Variants in GNG7 observed in about 807,000 individuals in gnomAD.
The protein encoded by GNG7 is G protein subunit gamma 7, also known as guanine nucleotide-binding protein G(I)/G(S)/G(O) subunit gamma-7.
Under a neutral mutation model 4.0 loss-of-function variants are expected in GNG7, and 1 was observed. The observed-to-expected ratio is 0.25, with a 90% CI of 0.09 to 1.18. GNG7 has a LOEUF of 1.18. Ranked by LOEUF, GNG7 falls within the 50% of genes most tolerant of loss-of-function variation. The pLI, the probability that GNG7 is intolerant of heterozygous loss-of-function variation, is 0.50. For missense variants in GNG7, 86 were observed against 91.9 expected, an observed-to-expected ratio of 0.94 and a Z score of 0.26; for synonymous variants, 34 against 36.9, an observed-to-expected ratio of 0.92 and a Z score of 0.29.
At chr19:2,522,664 A>G (rs1599371255) in intron 3 of GNG7, among the ~76,000 whole-genome samples, 2 of 141,204 alleles carry the variant, frequency 1.4e-5, no homozygotes, top group African/African-American at 5.2e-5. Context: ...AGGCAGGAGA[A>G]TGGGGTGAAC....
intron 2 of GNG7, among the ~76,000 whole-genome samples, chr19:2,636,328 G>A (rs144560596): frequency 1.0e-3 from 158 of 152,212 alleles, no homozygotes; most frequent in African/African-American, 3.7e-3. Flanking sequence ...TGCCCGCCAG[G>A]ACAATGACCC....
chr19:2,550,084 G>A (rs1599384963), intron 3 of GNG7, among the ~76,000 whole-genome samples: 1 of 152,208 alleles, frequency 6.6e-6, no homozygotes, highest in African/African-American at 2.4e-5. Context: ...TTGGGTCTGG[G>A]GTGCCCTGAT....
intron 2 of GNG7, among the ~76,000 whole-genome samples, chr19:2,589,296 C>T (rs1225229927): frequency 2.0e-5 from 3 of 151,322 alleles, no homozygotes; most frequent in Admixed American, 6.6e-5. Flanking sequence ...GATATCAGCT[C>T]ACTGTAACCT....
intron 2 of GNG7, among the ~76,000 whole-genome samples, chr19:2,580,209 G>A (rs1200891180): frequency 1.3e-5 from 2 of 151,946 alleles, no homozygotes; most frequent in African/African-American, 4.8e-5. Flanking sequence ...GTCCCGGCCT[G>A]GCCTGCTCAC....
intron 2 of GNG7, among the ~76,000 whole-genome samples, chr19:2,640,122 GAGGA>G (rs1982465785): frequency 1.1e-5 from 1 of 94,102 alleles, no homozygotes; most frequent in Non-Finnish European, 2.2e-5. Flanking sequence ...GGAGGGAGGG[GAGGA>G]GGGAGGGAGG....
intron 1 of GNG7, among the ~76,000 whole-genome samples, chr19:2,683,248 A>T (rs1983787597): frequency 1.3e-5 from 2 of 151,540 alleles, no homozygotes; most frequent in Admixed American, 1.3e-4. Flanking sequence ...CAAAAAAAAA[A>T]AATAGAGATG....
chr19:2,605,726 ATGG>A (rs1568260522), intron 2 of GNG7, among the ~76,000 whole-genome samples: 1 of 149,588 alleles, frequency 6.7e-6, no homozygotes, highest in Non-Finnish European at 1.5e-5. Context: ...GTTGGCCAGC[ATGG>A]TCTCGATCTC....
At position 2,553,886 on chromosome 19, in the gene GNG7, ATTC is replaced by A. The variant is rs1184849998; in HGVS notation, c.-38+1260_-38+1262del. Among the ~76,000 whole-genome samples the A allele has an allele frequency of 3.8e-3, 567 of 147,462 alleles. 3 individuals carry two copies. Among genetic ancestry groups the A allele is most frequent in the African/African-American group, 6.1e-3 (242 of 39,672 alleles). Reference sequence around the variant, plus strand: ...TATGTAACATTGCATACATGTACATATTCTATGTAATATTACATACATGTGCAT... The same window carrying A: ...TATGTAACATTGCATACATGTACATATATGTAATATTACATACATGTGCAT... On this transcript the variant is annotated intron_variant, in intron 3 of 4. Coordinates refer to ENST00000382159, the MANE Select transcript of GNG7 (RefSeq NM_052847.3).
At chr19:2,564,713 G>A (rs901305563) in intron 2 of GNG7, among the ~76,000 whole-genome samples, 4 of 152,172 alleles carry the variant, frequency 2.6e-5, no homozygotes, top group Non-Finnish European at 5.9e-5. Context: ...GGGAGAGGCC[G>A]GAAGGACCCT....
At chr19:2,558,422 T>C (rs1979634542) in intron 2 of GNG7, among the ~76,000 whole-genome samples, 1 of 151,566 alleles carries the variant, frequency 6.6e-6, no homozygotes. Flanking sequence ...CCTGTAGAGA[T>C]GGGGTTTTGC....
rs570775092 is a variant in GNG7, at chr19:2,626,732, G to C, written c.-78+19492C>G. 2.0e-5 allele frequency among the ~76,000 whole-genome samples: 3 copies of C among 152,188 alleles called. No individual in the cohort carries two copies. The highest frequency in any genetic ancestry group is 4.4e-5 in the Non-Finnish European group (3 of 68,028). ...TCTGTCCCCTCAGGGGACACTGGGC[G>C]GTGTCGGGGGACATCTGTAATTGTC... On this transcript the variant is annotated intron_variant, in intron 2 of 4. Coordinates refer to ENST00000382159, the MANE Select transcript of GNG7 (RefSeq NM_052847.3). The surrounding 1 kb of genome is among the most constrained non-coding windows in gnomAD (Gnocchi z 5.0).
intron 2 of GNG7, among the ~76,000 whole-genome samples, chr19:2,577,844 CTTTTT>C (rs112517007): frequency 7.3e-6 from 1 of 137,328 alleles, no homozygotes. Context: ...TGTTATTTTC[CTTTTT>C]TTTTTTTTTT....
At chr19:2,655,834 G>A (rs1309824633) in intron 1 of GNG7, among the ~76,000 whole-genome samples, 10 of 103,026 alleles carry the variant, frequency 9.7e-5, no homozygotes, top group Admixed American at 6.2e-4. Flanking sequence ...GAGAGGCTCC[G>A]TCTGAAAAAA....
rs146581476 is a variant in GNG7 at position 2,601,680 on chromosome 19, G to A, written c.-78+44544C>T. On this transcript the variant is annotated intron_variant, in intron 2 of 4. Coordinates refer to ENST00000382159, the MANE Select transcript of GNG7 (RefSeq NM_052847.3). ...GTAATCCCAAGCACGTTGGGAGGCC[G>A]GGGCAGGAGGATCCCTTGAGCCCAG... 6.6e-5 allele frequency among the ~76,000 whole-genome samples: 10 copies of A among 151,194 alleles called. No individual in the cohort carries two copies. The East Asian group carries it at 1.4e-3, about 21-fold the overall frequency.
intron 2 of GNG7, among the ~76,000 whole-genome samples, chr19:2,597,927 G>A (rs1384757078): frequency 5.3e-5 from 8 of 151,032 alleles, no homozygotes; most frequent in South Asian, 2.1e-4. Flanking sequence ...ATTAAATTTA[G>A]AAAGGTAAAA....
At chr19:2,652,906 G>A (rs1236012300) in intron 1 of GNG7, among the ~76,000 whole-genome samples, 1 of 151,774 alleles carries the variant, frequency 6.6e-6, no homozygotes, top group South Asian at 2.1e-4. Flanking sequence ...AACATAGCAA[G>A]ACCCTAGGCC....
At chr19:2,597,922 A>C (rs1209662033) in intron 2 of GNG7, among the ~76,000 whole-genome samples, 2 of 151,558 alleles carry the variant, frequency 1.3e-5, no homozygotes, top group Non-Finnish European at 2.9e-5. Context: ...AAGAAATTAA[A>C]TTTAGAAAGG....
In GNG7 at chr19:2,580,433, G is replaced by C. The variant is rs546109563; in HGVS notation, c.-77-25245C>G. ...GGCCTCCCAAGTAGCTGGGACTACAGGTGCACTCCACCATGTCCGGCTAAT... is the reference window on the plus strand; with the variant it reads ...GGCCTCCCAAGTAGCTGGGACTACACGTGCACTCCACCATGTCCGGCTAAT... On this transcript the variant is annotated intron_variant, in intron 2 of 4. Coordinates refer to ENST00000382159, the MANE Select transcript of GNG7 (RefSeq NM_052847.3). Among the ~76,000 whole-genome samples, 6 of 151,896 alleles carry C rather than the reference G, an allele frequency of 4.0e-5. No individual in the cohort carries two copies. The East Asian group carries it at 1.2e-3, about 30-fold the overall frequency.
At position 2,633,919 on chromosome 19, in the gene GNG7, C is replaced by T. The variant is rs1301883281; in HGVS notation, c.-78+12305G>A. On this transcript the variant is annotated intron_variant, in intron 2 of 4. Coordinates refer to ENST00000382159, the MANE Select transcript of GNG7 (RefSeq NM_052847.3). The surrounding 1 kb of genome is among the most constrained non-coding windows in gnomAD (Gnocchi z 5.9). ...CCTCCACCCCATGGCATCCACCAAT[C>T]GAGGCAGCCACAAATGTCTCCTGGG... Among the ~76,000 whole-genome samples, 3 of 151,708 alleles carry T rather than the reference C, an allele frequency of 2.0e-5. No individual in the cohort carries two copies. The highest frequency in any genetic ancestry group is 7.3e-5 in the African/African-American group (3 of 41,300).
Sources: gnomAD v4.1 joint callset for allele counts (sites outside exome capture counted in the v4.1 genomes callset) on GRCh38, gnomAD v4.1.1 for gene constraint, Gnocchi (gnomAD v3.1) non-coding constraint, MANE v1.5 for transcripts, NCBI Gene and HGNC (gene_info 2026-07-23, HGNC 2026-07-21) for gene names.